Variants in TDRD3 observed in about 807,000 individuals in gnomAD.
TDRD3 encodes tudor domain containing 3, also known as tudor domain-containing protein 3.
A neutral mutation model predicts 86.7 loss-of-function variants in TDRD3; 45 were observed. The observed-to-expected ratio is 0.52, with a 90% confidence interval of 0.41 to 0.67. The LOEUF (loss-of-function observed/expected upper bound fraction) is 0.67, where lower values mean the gene tolerates loss of function less well. Among genes scored for constraint, TDRD3 ranks in the 30% least tolerant of loss-of-function variants. The pLI, the probability that TDRD3 is intolerant of heterozygous loss-of-function variation, is 0.00. For missense variants in TDRD3, 814 were observed against 889.0 expected (o/e 0.92, Z 1.07); for synonymous variants, 298 against 301.7 (o/e 0.99, Z 0.13).
intron 10 of TDRD3, among the ~76,000 whole-genome samples, chr13:60,512,170 A>T (rs932277543): frequency 2.0e-5 from 3 of 152,146 alleles, no homozygotes; most frequent in Non-Finnish European, 4.4e-5. Flanking sequence ...GTCACTTATT[A>T]TGTAGGTGGC....
intron 12 of TDRD3, among the ~76,000 whole-genome samples, chr13:60,558,573 T>A (rs577956495): frequency 6.6e-6 from 1 of 152,332 alleles, no homozygotes; most frequent in African/African-American, 2.4e-5. Flanking sequence ...TTTCTTTTTA[T>A]GGGATATCTT....
chr13:60,476,304 T>A (rs1188835684), intron 5 of TDRD3, among the ~76,000 whole-genome samples: 1 of 152,194 alleles, frequency 6.6e-6, no homozygotes, highest in Non-Finnish European at 1.5e-5. Context: ...GGAATTCCTT[T>A]CCTCATTGTT....
chr13:60,529,181 A>G lies in TDRD3; in HGVS notation c.1956A>G (p.Gly652=). 6.2e-7 allele frequency: 1 copy of G among 1,607,646 alleles called. No individual in the cohort carries two copies. The highest frequency in any genetic ancestry group is 8.5e-7 in the Non-Finnish European group (1 of 1,177,570). Residue 652 remains glycine, a synonymous_variant, in exon 11 of 14, where the codon GGA becomes GGG. Transcript: ENST00000377881. ...PMEYAKMWKP[G]DECFALYWED... is the part of the protein sequence containing the mutation. ...AGTATGCAAAAATGTGGAAACCTGGAGATGAATGTTTTGCACTTTATTGGG... is the reference window on the plus strand; with the variant it reads ...AGTATGCAAAAATGTGGAAACCTGGGGATGAATGTTTTGCACTTTATTGGG...
rs141769328 is a variant in TDRD3 at position 60,503,050 on chromosome 13, C to A, written c.859-6713C>A. Reference sequence around the variant, plus strand: ...TATTCAATTATTAAAGGCTGTAAATCGTTCAAAATAAGTTTCCTTGACTCT... The same window carrying A: ...TATTCAATTATTAAAGGCTGTAAATAGTTCAAAATAAGTTTCCTTGACTCT... On this transcript the variant is annotated intron_variant, in intron 8 of 13. Transcript: ENST00000377881. Among the ~76,000 whole-genome samples the A allele has an allele frequency of 8.3e-3, 1,270 of 152,248 alleles. 8 individuals carry two copies. Among genetic ancestry groups the A allele is most frequent in the Middle Eastern group, 0.024 (7 of 294 alleles).
intron 10 of TDRD3, among the ~76,000 whole-genome samples, chr13:60,528,083 G>A (rs1957489051): frequency 6.6e-6 from 1 of 152,130 alleles, no homozygotes; most frequent in South Asian, 2.1e-4. Flanking sequence ...TACCAGAATA[G>A]CATATGTAGG....
At chr13:60,419,479 A>G (rs929080969) in intron 1 of TDRD3, among the ~76,000 whole-genome samples, 7 of 152,338 alleles carry the variant, frequency 4.6e-5, no homozygotes, top group African/African-American at 1.7e-4. Context: ...TGTCCTTTGC[A>G]GGGACATGGA....
chr13:60,561,593 A>G (rs1958334477), intron 12 of TDRD3, among the ~76,000 whole-genome samples: 2 of 152,190 alleles, frequency 1.3e-5, no homozygotes, highest in African/African-American at 2.4e-5. Flanking sequence ...TTTATCCTCA[A>G]AATAAATAAT....
chr13:60,572,983 T>C (rs1595139545), intron 13 of TDRD3, among the ~76,000 whole-genome samples: 1 of 152,168 alleles, frequency 6.6e-6, no homozygotes, highest in Admixed American at 6.5e-5. Context: ...TCCCAAGACT[T>C]ACGAGCTGTT....
chr13:60,521,860 G>A (rs1957293762), intron 10 of TDRD3, among the ~76,000 whole-genome samples: 1 of 152,038 alleles, frequency 6.6e-6, no homozygotes, highest in Non-Finnish European at 1.5e-5. Context: ...TCGCACCATT[G>A]CACTCCAGCC....
At chr13:60,499,491 C>T (rs1469362790) in intron 8 of TDRD3, among the ~76,000 whole-genome samples, 1 of 152,230 alleles carries the variant, frequency 6.6e-6, no homozygotes, top group Admixed American at 6.5e-5. Flanking sequence ...GGTATATCAA[C>T]TCTCTGGCTT....
chr13:60,505,267 G>T (rs1261119915), intron 8 of TDRD3, among the ~76,000 whole-genome samples: 1 of 152,158 alleles, frequency 6.6e-6, no homozygotes, highest in African/African-American at 2.4e-5. Context: ...AGGGGTGTCT[G>T]CCATTACTAA....
chr13:60,449,026 T>G (rs927946835), intron 3 of TDRD3, among the ~76,000 whole-genome samples: 1 of 152,056 alleles, frequency 6.6e-6, no homozygotes, highest in African/African-American at 2.4e-5. Flanking sequence ...TGTAAAACTA[T>G]GAATAAGACC....
chr13:60,462,794 A>G (rs758326488), intron 4 of TDRD3, among the ~76,000 whole-genome samples: 11 of 152,174 alleles, frequency 7.2e-5, no homozygotes, highest in Non-Finnish European at 1.3e-4. Context: ...GTGATAGTAA[A>G]AATTGTATTA....
intron 1 of TDRD3, among the ~76,000 whole-genome samples, chr13:60,397,630 G>T (rs779879013): frequency 2.1e-5 from 2 of 94,386 alleles, no homozygotes; most frequent in Non-Finnish European, 5.6e-5. Flanking sequence ...TGGGCCCCGG[G>T]CGGCGGGCCT....
chr13:60,516,957 T>C (rs904148173), intron 10 of TDRD3, among the ~76,000 whole-genome samples: 7 of 152,226 alleles, frequency 4.6e-5, no homozygotes, highest in Non-Finnish European at 7.3e-5. Flanking sequence ...ATTGGCAGGA[T>C]AAAATTCAGA....
intron 3 of TDRD3, among the ~76,000 whole-genome samples, chr13:60,448,529 G>T (rs556041834): frequency 6.6e-6 from 1 of 152,176 alleles, no homozygotes; most frequent in South Asian, 2.1e-4. Flanking sequence ...AAAAGTTTCA[G>T]AAAAATTTAA....
chr13:60,467,153 C>A, intron 4 of TDRD3, 85 bp from the exon 5 acceptor site: 1 of 1,512,638 alleles, frequency 6.6e-7, no homozygotes, highest in Non-Finnish European at 8.9e-7. Context: ...CACTGCCTGA[C>A]AGGCCCCGGT....
At chr13:60,486,807 T>A (rs550335102) in intron 7 of TDRD3, among the ~76,000 whole-genome samples, 2 of 152,350 alleles carry the variant, frequency 1.3e-5, no homozygotes, top group Admixed American at 6.5e-5. Context: ...GCTGCTCTTC[T>A]ATGAGACAAC....
Position 60,397,242 on chromosome 13 carries a change from GC to G in TDRD3, c.-121del. 1 of 535,624 alleles carries G rather than the reference GC, an allele frequency of 1.9e-6. No individual in the cohort carries two copies. The highest frequency in any genetic ancestry group is 4.1e-5 in the South Asian group (1 of 24,180). The allele number at this position is 535,624 out of a possible 1,614,324, so 33.2% of individuals were successfully genotyped here. On this transcript the variant is annotated 5_prime_UTR_variant, in exon 1 of 14. An upstream open reading frame in the 5' UTR gains an earlier in-frame stop. Coordinates refer to ENST00000377881, the MANE Select transcript of TDRD3 (RefSeq NM_001146070.2). ...CGCACTGAGCATGCCCAGTTGCAGA[GC>G]CGACCAGAGGAGTTTTTTCTTTTCT... is the stretch of plus-strand genomic sequence containing the variant.
Sources: gnomAD v4.1 joint callset for allele counts (sites outside exome capture counted in the v4.1 genomes callset) on GRCh38, gnomAD v4.1.1 for gene constraint, MANE v1.5 for transcripts, NCBI Gene and HGNC (gene_info 2026-07-23, HGNC 2026-07-21) for gene names.